RAB1A: variants seen among roughly 807,000 people sequenced by gnomAD.
The protein encoded by RAB1A is RAB1A, member RAS oncogene family, also known as ras-related protein Rab-1A.
In RAB1A, 2 loss-of-function variants were observed where a neutral mutation model predicts 26.0. The ratio of observed to expected loss-of-function variants is 0.08; its 90% CI spans 0.03 to 0.24. The LOEUF is 0.24. Ranked by LOEUF, RAB1A falls within the 10% of genes least tolerant of loss-of-function variation. The pLI is 1.00. For synonymous variants in RAB1A, 84 were observed against 84.9 expected (o/e 0.99, Z 0.06); for missense variants, 100 against 247.0 (o/e 0.40, Z 3.99).
chr2:65,128,759 C>T (rs570164413), intron 1 of RAB1A, among the ~76,000 whole-genome samples: 1 of 152,270 alleles, frequency 6.6e-6, no homozygotes, highest in Admixed American at 6.5e-5. Flanking sequence ...CCCCATCCCT[C>T]AAAGGCCTTT....
intron 3 of RAB1A, among the ~76,000 whole-genome samples, chr2:65,097,553 A>G (rs1227258704): frequency 6.6e-6 from 1 of 152,196 alleles, no homozygotes; most frequent in Non-Finnish European, 1.5e-5. Flanking sequence ...ACTTAGAACT[A>G]CATAAGTACT....
At chr2:65,121,224 G>A (rs947467972) in intron 1 of RAB1A, among the ~76,000 whole-genome samples, 1 of 116,032 alleles carries the variant, frequency 8.6e-6, no homozygotes, top group Non-Finnish European at 1.6e-5. Context: ...GACAGAGCTA[G>A]ATCATGTCTC....
chr2:65,092,002 C>T (rs1474178243), intron 3 of RAB1A, among the ~76,000 whole-genome samples: 4 of 152,158 alleles, frequency 2.6e-5, no homozygotes, highest in Non-Finnish European at 4.4e-5. Flanking sequence ...GGACTGGGTA[C>T]GGTGGCTCAC....
rs1573099173 is a variant in RAB1A, at chr2:65,130,015, G to A, written c.-100C>T. 2 of 1,332,392 alleles carry A rather than the reference G, an allele frequency of 1.5e-6. No homozygotes were observed. Among genetic ancestry groups the A allele is most frequent in the South Asian group, 1.3e-5 (1 of 79,636 alleles). The allele number at this position is 1,332,392 out of a possible 1,614,324, so 82.5% of individuals were successfully genotyped here. A position where few individuals can be genotyped will look rare whatever the true frequency, so the allele number is the denominator to read the frequency against. On this transcript the variant is annotated 5_prime_UTR_variant, in exon 1 of 6. Transcript: ENST00000409784. ...TAATCGAAAGAAAGGAATGAGATAG[G>A]CTGTTCCGGGAGAGCAAACGTCTTC...
chr2:65,107,837 G>A (rs1421786994), intron 1 of RAB1A, among the ~76,000 whole-genome samples: 1 of 152,118 alleles, frequency 6.6e-6, no homozygotes, highest in East Asian at 1.9e-4. Context: ...TAGGCGTAGT[G>A]GCTCATGCCT....
chr2:65,095,471 T>A (rs1669261423), intron 3 of RAB1A, among the ~76,000 whole-genome samples: 1 of 150,368 alleles, frequency 6.7e-6, no homozygotes, highest in Non-Finnish European at 1.5e-5. Flanking sequence ...CACCTCAGTC[T>A]CCTGGGGAGC....
At chr2:65,105,952 G>A (rs968396099) in intron 1 of RAB1A, among the ~76,000 whole-genome samples, 7 of 151,952 alleles carry the variant, frequency 4.6e-5, no homozygotes, top group African/African-American at 1.5e-4. Flanking sequence ...TAGTAGACAC[G>A]GGTTTCACCG....
chr2:65,118,844 A>G (rs1356542120), intron 1 of RAB1A, among the ~76,000 whole-genome samples: 3 of 152,190 alleles, frequency 2.0e-5, no homozygotes, highest in Admixed American at 6.6e-5. Context: ...ACCTATGTAT[A>G]TATGTATATA....
At chr2:65,116,475 T>C (rs1037560871) in intron 1 of RAB1A, among the ~76,000 whole-genome samples, 4 of 152,204 alleles carry the variant, frequency 2.6e-5, no homozygotes, top group African/African-American at 9.7e-5. Context: ...TCCTCATCTA[T>C]AAGGTTCAAT....
chr2:65,129,306 C>T (rs1049110637), intron 1 of RAB1A, among the ~76,000 whole-genome samples: 7 of 151,996 alleles, frequency 4.6e-5, no homozygotes, highest in African/African-American at 1.7e-4. Context: ...AAAAAGAGAA[C>T]TAATAAATGT....
In RAB1A at chr2:65,098,836, C is replaced by CTT. The variant is rs70943624; in HGVS notation, c.97-772_97-771dup. 2.4e-4 allele frequency among the ~76,000 whole-genome samples: 25 copies of CTT among 103,392 alleles called. 1 individual carries two copies. The highest frequency in any genetic ancestry group is 8.9e-4 in the African/African-American group (24 of 26,886). 67.8% of individuals were successfully genotyped at this position (103,392 alleles called of 152,430 possible). On this transcript the variant is annotated intron_variant, in intron 2 of 5. Coordinates refer to ENST00000409784, the MANE Select transcript of RAB1A (RefSeq NM_004161.5). Reference sequence around the variant, plus strand: ...CATGTTGTACCATGTAACAGTACTTCTTTTTTTTTTTTTTTTTGAGGCAGG... The same window carrying CTT: ...CATGTTGTACCATGTAACAGTACTTCTTTTTTTTTTTTTTTTTTTGAGGCAGG...
At chr2:65,129,426 G>C (rs763353178) in intron 1 of RAB1A, among the ~76,000 whole-genome samples, 3 of 152,120 alleles carry the variant, frequency 2.0e-5, no homozygotes, top group Non-Finnish European at 2.9e-5. Flanking sequence ...GAGCCAACAA[G>C]CTCAGGATTT....
chr2:65,113,771 T>C (rs1318353207), intron 1 of RAB1A, among the ~76,000 whole-genome samples: 1 of 152,188 alleles, frequency 6.6e-6, no homozygotes. Flanking sequence ...TATAACCTCA[T>C]TTTTGTTTTT....
chr2:65,114,679 TAA>T (rs1043116409), intron 1 of RAB1A, among the ~76,000 whole-genome samples: 4 of 151,498 alleles, frequency 2.6e-5, no homozygotes, highest in African/African-American at 9.7e-5. Context: ...CCGTCTCTAC[TAA>T]AAAAATACAA....
chr2:65,098,525 A>G (rs1430543242), intron 2 of RAB1A, among the ~76,000 whole-genome samples: 1 of 100,640 alleles, frequency 9.9e-6, no homozygotes, highest in Non-Finnish European at 2.3e-5. Context: ...CTTGCTTCCT[A>G]ATTATGATTT....
intron 2 of RAB1A, among the ~76,000 whole-genome samples, chr2:65,100,577 T>C (rs149597821): frequency 0.018 from 2,731 of 151,740 alleles, 88 homozygotes; most frequent in African/African-American, 0.062. Flanking sequence ...CTGGCCAACA[T>C]GGTGAAACCC....
chr2:65,122,081 G>C (rs551768280), intron 1 of RAB1A, among the ~76,000 whole-genome samples: 6 of 146,138 alleles, frequency 4.1e-5, no homozygotes, highest in African/African-American at 1.5e-4. Flanking sequence ...GCTGGAACCC[G>C]GGAGACAGAC....
Position 65,129,198 on chromosome 2 carries a change from T to TA in RAB1A, c.23+694dup, listed in dbSNP as rs373295500. Reference sequence around the variant, plus strand: ...GACAAAATGACTTAGGTGTCCTCTTTAAAAAAAAAAAAAACAAAATTCTCA... The same window carrying TA: ...GACAAAATGACTTAGGTGTCCTCTTTAAAAAAAAAAAAAAACAAAATTCTCA... On this transcript the variant is annotated intron_variant, in intron 1 of 5. Transcript: ENST00000409784. Among the ~76,000 whole-genome samples the TA allele has an allele frequency of 6.9e-3, 924 of 134,274 alleles. 4 individuals carry two copies. Among genetic ancestry groups the TA allele is most frequent in the African/African-American group, 0.017 (640 of 36,904 alleles). 88.1% of individuals were successfully genotyped at this position (134,274 alleles called of 152,430 possible). A position where few individuals can be genotyped will look rare whatever the true frequency, so the allele number is the denominator to read the frequency against.
intron 3 of RAB1A, among the ~76,000 whole-genome samples, chr2:65,092,290 G>A (rs1669189051): frequency 6.6e-6 from 1 of 151,736 alleles, no homozygotes; most frequent in Non-Finnish European, 1.5e-5. Context: ...AAAAAAAAGA[G>A]GCTCAAAGTC....
Sources: gnomAD v4.1 joint callset for allele counts (sites outside exome capture counted in the v4.1 genomes callset) on GRCh38, gnomAD v4.1.1 for gene constraint, MANE v1.5 for transcripts, NCBI Gene and HGNC (gene_info 2026-07-23, HGNC 2026-07-21) for gene names.